Variants in METTL15 observed in about 807,000 individuals in gnomAD.
The protein encoded by METTL15 is 12S rRNA N(4)-cytidine methyltransferase METTL15.
Under a neutral mutation model 38.3 loss-of-function variants are expected in METTL15, and 34 were observed. The observed-to-expected ratio is 0.89, with a 90% CI of 0.68 to 1.18. The LOEUF (loss-of-function observed/expected upper bound fraction) is 1.18. Among genes scored for constraint, METTL15 ranks in the 50% most tolerant of loss-of-function variants. The pLI, the probability that METTL15 is intolerant of heterozygous loss-of-function variation, is 0.00. For missense variants in METTL15, 438 were observed against 498.4 expected, an observed-to-expected ratio of 0.88 and a Z score of 1.15; for synonymous variants, 162 against 170.9, an observed-to-expected ratio of 0.95 and a Z score of 0.41.
intron 3 of METTL15, among the ~76,000 whole-genome samples, chr11:28,209,115 A>G (rs1000159914): frequency 2.4e-4 from 37 of 152,008 alleles, no homozygotes; most frequent in African/African-American, 8.7e-4. Context: ...AATCATGTAA[A>G]TTATAATCAC....
intron 6 of METTL15, among the ~76,000 whole-genome samples, chr11:28,459,210 A>C (rs1851195293): frequency 6.6e-6 from 1 of 152,152 alleles, no homozygotes; most frequent in Non-Finnish European, 1.5e-5. Context: ...TACTTTTATA[A>C]ATTTCATGTA....
At chr11:28,149,580 G>A (rs954598767) in intron 3 of METTL15, among the ~76,000 whole-genome samples, 1 of 151,868 alleles carries the variant, frequency 6.6e-6, no homozygotes, top group African/African-American at 2.4e-5. Context: ...TAATGAATTT[G>A]GATTAGGTAA....
chr11:28,285,805 C>A (rs902653029), intron 4 of METTL15, among the ~76,000 whole-genome samples: 2 of 152,050 alleles, frequency 1.3e-5, no homozygotes, highest in Non-Finnish European at 2.9e-5. Flanking sequence ...GTTAGAAAAA[C>A]CTTCTTTCCC....
chr11:28,224,356 A>G (rs535066951), intron 4 of METTL15, among the ~76,000 whole-genome samples: 7 of 152,048 alleles, frequency 4.6e-5, no homozygotes, highest in South Asian at 2.1e-4. Flanking sequence ...CTGTATCCCA[A>G]TCCAGAAGCC....
At chr11:28,226,434 ATAAT>A (rs1204009987) in intron 4 of METTL15, among the ~76,000 whole-genome samples, 1 of 152,042 alleles carries the variant, frequency 6.6e-6, no homozygotes, top group Non-Finnish European at 1.5e-5. Flanking sequence ...ACATAGTAAT[ATAAT>A]TAGAGAGTTA....
chr11:28,190,353 T>C (rs1851655281), intron 3 of METTL15, among the ~76,000 whole-genome samples: 1 of 151,264 alleles, frequency 6.6e-6, no homozygotes, highest in African/African-American at 2.4e-5. Flanking sequence ...TTTCAAACAT[T>C]TGTTAAGTTT....
intron 5 of METTL15, among the ~76,000 whole-genome samples, chr11:28,382,592 G>C (rs1477047983): frequency 6.6e-6 from 1 of 152,060 alleles, no homozygotes; most frequent in African/African-American, 2.4e-5. Context: ...CCAGCACTTT[G>C]GGAAGCTGAG....
At chr11:28,477,720 A>G (rs116758164) in intron 6 of METTL15, among the ~76,000 whole-genome samples, 3,105 of 152,268 alleles carry the variant, frequency 0.02, 105 homozygotes, top group African/African-American at 0.07. Context: ...CATTTTAAAT[A>G]ATTTTATGGA....
In METTL15 at chr11:28,146,435, C is replaced by T. The variant is rs181100744; in HGVS notation, c.270+32831C>T. Among the ~76,000 whole-genome samples, 20 of 152,080 alleles carry T rather than the reference C, an allele frequency of 1.3e-4. No homozygotes were observed. The East Asian group carries it at 3.9e-3, about 29-fold the overall frequency. ...CAGCTCAGTGTTACTGATTGACATC[C>T]TACCAAAGTATTTTGTCTTTTGGCA... On this transcript the variant is annotated intron_variant, in intron 3 of 6. Coordinates refer to ENST00000407364, the MANE Select transcript of METTL15 (RefSeq NM_001113528.2).
chr11:28,347,258 C>T (rs1301126292), intron 3 of METTL15, among the ~76,000 whole-genome samples: 1 of 152,128 alleles, frequency 6.6e-6, no homozygotes, highest in Non-Finnish European at 1.5e-5. Flanking sequence ...AGGGGTAGTT[C>T]CTACCAATGG....
At chr11:28,375,499 G>A (rs998880795) in intron 5 of METTL15, among the ~76,000 whole-genome samples, 1 of 151,714 alleles carries the variant, frequency 6.6e-6, no homozygotes, top group Non-Finnish European at 1.5e-5. Context: ...ATTTCTGTGG[G>A]ATCGGTGGTA....
intron 3 of METTL15, among the ~76,000 whole-genome samples, chr11:28,348,498 G>T (rs1850015301): frequency 6.6e-6 from 1 of 152,096 alleles, no homozygotes; most frequent in Non-Finnish European, 1.5e-5. Flanking sequence ...CTTCTGAGTA[G>T]CAGGGACTAC....
intron 4 of METTL15, among the ~76,000 whole-genome samples, chr11:28,259,924 C>T (rs1855131384): frequency 1.3e-5 from 2 of 152,142 alleles, no homozygotes; most frequent in African/African-American, 4.8e-5. Flanking sequence ...TCCACTTCCC[C>T]AACAAGTCCT....
At chr11:28,355,252 G>A (rs373071703) in intron 4 of METTL15, among the ~76,000 whole-genome samples, 1 of 152,184 alleles carries the variant, frequency 6.6e-6, no homozygotes, top group South Asian at 2.1e-4. Context: ...TGTTCTGAAG[G>A]TGGCTCTTTT....
intron 5 of METTL15, among the ~76,000 whole-genome samples, chr11:28,370,412 A>G (rs1850231214): frequency 6.6e-6 from 1 of 151,956 alleles, no homozygotes; most frequent in Non-Finnish European, 1.5e-5. Flanking sequence ...ATGGCTGAAT[A>G]ATATTCCATG....
At chr11:28,325,563 A>G (rs923156699) in intron 6 of METTL15, among the ~76,000 whole-genome samples, 2 of 152,052 alleles carry the variant, frequency 1.3e-5, no homozygotes, top group Non-Finnish European at 2.9e-5. Flanking sequence ...TTTTTCATTT[A>G]TCTATTCATT....
chr11:28,429,095 C>T (rs1850889375), intron 6 of METTL15, among the ~76,000 whole-genome samples: 1 of 152,146 alleles, frequency 6.6e-6, no homozygotes, highest in South Asian at 2.1e-4. Flanking sequence ...ATCTGGAGTA[C>T]AGCTGGGTCA....
At chr11:28,405,889 G>A (rs1314380187) in intron 5 of METTL15, among the ~76,000 whole-genome samples, 1 of 152,084 alleles carries the variant, frequency 6.6e-6, no homozygotes, top group Admixed American at 6.6e-5. Context: ...GCTTTTGTCA[G>A]GTTTGTTGAA....
chr11:28,127,730 A>G (rs1852556209), intron 3 of METTL15, among the ~76,000 whole-genome samples: 1 of 152,118 alleles, frequency 6.6e-6, no homozygotes, highest in African/African-American at 2.4e-5. Flanking sequence ...ACCACATAGA[A>G]CCAATTAATA....
Sources: allele counts gnomAD v4.1 joint callset (sites outside exome capture counted in the v4.1 genomes callset), GRCh38; gene constraint gnomAD v4.1.1; transcripts MANE v1.5; gene names NCBI Gene and HGNC (gene_info 2026-07-23, HGNC 2026-07-21).